Variants in ZFAND1 observed in about 807,000 individuals in gnomAD.
ZFAND1 encodes the protein AN1-type zinc finger protein 1.
ZFAND1 carries 40 observed loss-of-function variants against 38.5 expected under a neutral mutation model. That is an observed-to-expected ratio of 1.04 (90% CI 0.81 to 1.35). ZFAND1 has a LOEUF of 1.35. ZFAND1 is among the 40% of genes most tolerant of loss of function. ZFAND1 has a pLI of 0.00. For missense variants in ZFAND1, 346 were observed against 316.3 expected (o/e 1.09, Z -0.71); for synonymous variants, 117 against 103.6 (o/e 1.13, Z -0.78).
intron 1 of ZFAND1, among the ~76,000 whole-genome samples, chr8:81,718,601 T>A (rs1808381505): frequency 6.6e-6 from 1 of 151,404 alleles, no homozygotes; most frequent in Admixed American, 6.6e-5. Context: ...TGCTTACTAA[T>A]CTAACAGTGC....
Position 81,702,733 on chromosome 8 carries a change from C to A in ZFAND1, c.769G>T (p.Glu257Ter), listed in dbSNP as rs1028787559. ...NIILEYLNDE[E>*]QFCKNVESYL... ...GATTCAACATTTTTACAGAATTGTT[C>A]TTCATCATTAAGATATTCCAAGATT... The change falls in exon 8 of 8, where the codon GAA (glutamate) becomes TAA (stop). Residue 257 changes from glutamate (E) to a stop codon, truncating the protein, a stop_gained. Transcript: ENST00000220669. LOFTEE classifies it high-confidence loss of function. 1 of 1,571,998 alleles carries A rather than the reference C, an allele frequency of 6.4e-7. No homozygotes were observed. Among genetic ancestry groups the A allele is most frequent in the East Asian group, 2.3e-5 (1 of 42,824 alleles).
At chr8:81,713,818 C>T (rs1808214864) in intron 6 of ZFAND1, 100 bp downstream of exon 6, 3 of 1,171,716 alleles carry the variant, frequency 2.6e-6, no homozygotes, top group Non-Finnish European at 3.7e-6. Flanking sequence ...ATGATACATA[C>T]CAGGTTTAGG....
rs768595171 is a variant in ZFAND1, at chr8:81,703,028, T to G, written c.577A>C (p.Ile193Leu). 3 of 1,584,134 alleles carry G rather than the reference T, an allele frequency of 1.9e-6. No individual in the cohort carries two copies. Among genetic ancestry groups the G allele is most frequent in the Non-Finnish European group, 2.6e-6 (3 of 1,161,754 alleles). ...FCHRWSIGKAIDFAASLARLK... is the reference protein window; with the variant it reads ...FCHRWSIGKALDFAASLARLK... ...CTGGCTAGAGAAGCGGCAAAGTCTATGGCCTTTCCAATGCTCCATCGGTGG... is the reference window on the plus strand; with the variant it reads ...CTGGCTAGAGAAGCGGCAAAGTCTAGGGCCTTTCCAATGCTCCATCGGTGG... The change falls in exon 7 of 8, where the codon ATA becomes CTA. Residue 193 changes from isoleucine (I) to leucine (L), a missense_variant. Physicochemically the swap from Ile to Leu is conservative, Grantham distance 5. Transcript: ENST00000220669.
chr8:81,709,421 T>G (rs1808071236), intron 6 of ZFAND1, among the ~76,000 whole-genome samples: 1 of 152,170 alleles, frequency 6.6e-6, no homozygotes, highest in Non-Finnish European at 1.5e-5. Context: ...TATCAGGGCT[T>G]GGTATATAGA....
chr8:81,719,310 A>ACACAC (rs1808403222), intron 1 of ZFAND1, among the ~76,000 whole-genome samples: 2 of 124,858 alleles, frequency 1.6e-5, no homozygotes, highest in Non-Finnish European at 3.3e-5. Context: ...CTCTACTGAA[A>ACACAC]ACACACACAC....
intron 6 of ZFAND1, 78 bp downstream of exon 6, chr8:81,713,840 T>C: frequency 3.5e-6 from 5 of 1,421,220 alleles, no homozygotes; most frequent in Non-Finnish European, 4.9e-6. Flanking sequence ...TAGTTGTTAA[T>C]TGATGGGAAG....
rs1219361158 is a variant in ZFAND1 at position 81,721,181 on chromosome 8, C to G, written c.55+46G>C. The stretch of plus-strand genomic sequence containing the variant: ...CCATCCGCGGAGCCAAAGCGGAGCC[C>G]TGGTCTCCCGCGGCCGGGGATGGGG... On this transcript the variant is annotated intron_variant, in intron 1 of 7. Transcript: ENST00000220669. 6.5e-6 allele frequency: 10 copies of G among 1,543,774 alleles called. No individual in the cohort carries two copies. In the South Asian group the frequency reaches 1.2e-4, roughly 18 times the overall value.
intron 3 of ZFAND1, among the ~76,000 whole-genome samples, chr8:81,716,411 A>T (rs749323012): frequency 6.6e-6 from 1 of 152,194 alleles, no homozygotes; most frequent in African/African-American, 2.4e-5. Flanking sequence ...TTTACCAGTA[A>T]TAAGGGTAAT....
intron 1 of ZFAND1, among the ~76,000 whole-genome samples, chr8:81,718,722 A>G (rs1808384723): frequency 6.7e-6 from 1 of 149,776 alleles, no homozygotes; most frequent in South Asian, 2.1e-4. Flanking sequence ...AACAACATAT[A>G]TATATATATA....
At position 81,711,273 on chromosome 8, in the gene ZFAND1, G is replaced by A. The variant is rs183810495; in HGVS notation, c.480+2645C>T. 1.6e-4 allele frequency among the ~76,000 whole-genome samples: 24 copies of A among 152,094 alleles called. No individual in the cohort carries two copies. The East Asian group carries it at 2.9e-3, about 18-fold the overall frequency. On this transcript the variant is annotated intron_variant, in intron 6 of 7. Transcript: ENST00000220669. ...CTAAAAATACAAAAATTAGCTGGGC[G>A]TGGTGGTGCATGCCTGTAATCCCAG...
chr8:81,711,643 G>GA, intron 6 of ZFAND1, among the ~76,000 whole-genome samples: 1 of 152,156 alleles, frequency 6.6e-6, no homozygotes, highest in South Asian at 2.1e-4. Flanking sequence ...GAGAAAGAAG[G>GA]AAAAGTACAA....
At position 81,702,031 on chromosome 8, in the gene ZFAND1, T is replaced by C. The variant is rs1421315190; in HGVS notation, c.*664A>G. On this transcript the variant is annotated 3_prime_UTR_variant, in exon 8 of 8. Transcript: ENST00000220669. ...GAATCTCACTAGAGGTGGGTCTTTATCAGAAATATGCCCCAATCTAGTTAG... is the reference window on the plus strand; with the variant it reads ...GAATCTCACTAGAGGTGGGTCTTTACCAGAAATATGCCCCAATCTAGTTAG... The C allele has an allele frequency of 6.6e-6, 1 of 152,234 alleles. No individual in the cohort carries two copies. The highest frequency in any genetic ancestry group is 1.5e-5 in the Non-Finnish European group (1 of 68,026). 9.4% of individuals were successfully genotyped at this position (152,234 alleles called of 1,614,324 possible).
rs1807820844 is a variant in ZFAND1 at position 81,701,836 on chromosome 8, A to C, written c.*859T>G. On this transcript the variant is annotated 3_prime_UTR_variant, in exon 8 of 8. Coordinates refer to ENST00000220669, the MANE Select transcript of ZFAND1 (RefSeq NM_024699.3). The stretch of plus-strand genomic sequence containing the variant: ...TAGAAATACTTTCCATTCTGTCTAT[A>C]TAGTAGTAGTTTTGGGGGTATAGAT... The C allele has an allele frequency of 6.6e-6, 1 of 152,254 alleles. No homozygotes were observed. The highest frequency in any genetic ancestry group is 2.4e-5 in the African/African-American group (1 of 41,472). The allele number at this position is 152,254 out of a possible 1,614,324, so 9.4% of individuals were successfully genotyped here.
intron 6 of ZFAND1, among the ~76,000 whole-genome samples, chr8:81,708,628 T>C (rs1184480198): frequency 1.3e-5 from 2 of 151,804 alleles, no homozygotes; most frequent in Non-Finnish European, 2.9e-5. Flanking sequence ...GTCAGGAAAA[T>C]ACAAATTAAA....
In ZFAND1 at chr8:81,702,981, T is replaced by C; in HGVS notation, c.624A>G (p.Lys208=). The change falls in exon 7 of 8, where the codon AAA becomes AAG. Residue 208 remains lysine, a synonymous_variant. Transcript: ENST00000220669. The part of the protein sequence containing the change: ...SLARLKNDNN[K]FTAKKLRLCH... Reference sequence around the variant, plus strand: ...AATGAGATGTTACCTTAGCTGTAAATTTGTTATTGTCATTTTTAAGCCTGG... The same window carrying C: ...AATGAGATGTTACCTTAGCTGTAAACTTGTTATTGTCATTTTTAAGCCTGG... The C allele has an allele frequency of 6.6e-7, 1 of 1,517,360 alleles. No homozygotes were observed. The highest frequency in any genetic ancestry group is 8.8e-7 in the Non-Finnish European group (1 of 1,131,226). The allele number at this position is 1,517,360 out of a possible 1,614,324, so 94.0% of individuals were successfully genotyped here.
At chr8:81,703,573 C>T (rs1807877488) in intron 6 of ZFAND1, among the ~76,000 whole-genome samples, 3 of 152,194 alleles carry the variant, frequency 2.0e-5, no homozygotes, top group Non-Finnish European at 2.9e-5. Context: ...CAGGCACGTG[C>T]CACCAGGCCC....
At chr8:81,705,790 G>A (rs1163652616) in intron 6 of ZFAND1, among the ~76,000 whole-genome samples, 5 of 152,274 alleles carry the variant, frequency 3.3e-5, no homozygotes, top group African/African-American at 1.2e-4. Flanking sequence ...GTGGGGGCAC[G>A]CGCCTGTAGT....
intron 6 of ZFAND1, among the ~76,000 whole-genome samples, chr8:81,709,837 T>C (rs1393181465): frequency 1.3e-5 from 2 of 152,220 alleles, no homozygotes; most frequent in African/African-American, 2.4e-5. Flanking sequence ...TTACTAGCTA[T>C]GTTAATAGAA....
intron 1 of ZFAND1, among the ~76,000 whole-genome samples, chr8:81,719,302 C>T (rs1192385539): frequency 7.7e-6 from 1 of 129,252 alleles, no homozygotes; most frequent in Non-Finnish European, 1.6e-5. Context: ...AACCCCATCT[C>T]TACTGAAAAC....
Sources: allele counts gnomAD v4.1 joint callset (sites outside exome capture counted in the v4.1 genomes callset), GRCh38; gene constraint gnomAD v4.1.1; transcripts MANE v1.5; gene names NCBI Gene and HGNC (gene_info 2026-07-23, HGNC 2026-07-21).